C1GALT1: variants seen among roughly 807,000 people sequenced by gnomAD.
The protein encoded by C1GALT1 is glycoprotein-N-acetylgalactosamine 3-beta-galactosyltransferase 1.
C1GALT1 carries 11 observed loss-of-function variants against 31.0 expected under a neutral mutation model. The ratio of observed to expected loss-of-function variants is 0.36; its 90% CI spans 0.22 to 0.59. The LOEUF is 0.59. Ranked by LOEUF, C1GALT1 falls within the 20% of genes least tolerant of loss-of-function variation. C1GALT1 has a pLI of 0.79. For missense variants in C1GALT1, 424 were observed against 425.2 expected (o/e 1.00, Z 0.03); for synonymous variants, 175 against 143.6 (o/e 1.22, Z -1.56).
At chr7:7,202,881 T>C (rs1471808955) in intron 1 of C1GALT1, among the ~76,000 whole-genome samples, 1 of 152,172 alleles carries the variant, frequency 6.6e-6, no homozygotes, top group African/African-American at 2.4e-5. Flanking sequence ...TAATTATTTA[T>C]GTATTCTTTA....
Position 7,234,313 on chromosome 7 carries a change from T to C in C1GALT1, c.-7T>C. On this transcript the variant is annotated 5_prime_UTR_variant, in exon 2 of 4. Coordinates refer to ENST00000436587, the MANE Select transcript of C1GALT1 (RefSeq NM_020156.5). ...TTTTTGTTCTTACAGAAATACACTT[T>C]CGGGAAATGGCCTCTAAATCCTGGC... The C allele has an allele frequency of 6.2e-7, 1 of 1,612,124 alleles. No homozygotes were observed.
chr7:7,187,299 G>C (rs936983668), intron 1 of C1GALT1, among the ~76,000 whole-genome samples: 5 of 151,838 alleles, frequency 3.3e-5, no homozygotes, highest in Non-Finnish European at 7.4e-5. Flanking sequence ...GCCCAGGCTG[G>C]AGTGCAGTGG....
At chr7:7,185,177 AAATT>A (rs1395776097) in intron 1 of C1GALT1, among the ~76,000 whole-genome samples, 4 of 152,236 alleles carry the variant, frequency 2.6e-5, no homozygotes, top group African/African-American at 9.6e-5. Flanking sequence ...AAGTCTAAAT[AAATT>A]ATCTAGCACC....
intron 1 of C1GALT1, among the ~76,000 whole-genome samples, chr7:7,227,243 G>T (rs1782807258): frequency 6.6e-6 from 1 of 152,100 alleles, no homozygotes; most frequent in Admixed American, 6.5e-5. Flanking sequence ...TAGGGTTATG[G>T]TTTGAATATT....
chr7:7,243,778 A>C lies in C1GALT1; in HGVS notation c.*51A>C. 3.0e-6 allele frequency: 4 copies of C among 1,321,010 alleles called. No individual in the cohort carries two copies. The highest frequency in any genetic ancestry group is 3.1e-6 in the Non-Finnish European group (3 of 967,700). 81.8% of individuals were successfully genotyped at this position (1,321,010 alleles called of 1,614,324 possible). ...AATATGTCTAGCACTGCACTGAAAAAGGACTTCTGCATTTCTGACATAGAA... is the reference window on the plus strand; with the variant it reads ...AATATGTCTAGCACTGCACTGAAAACGGACTTCTGCATTTCTGACATAGAA... On this transcript the variant is annotated 3_prime_UTR_variant, in exon 4 of 4. Coordinates refer to ENST00000436587, the MANE Select transcript of C1GALT1 (RefSeq NM_020156.5).
chr7:7,217,783 A>G (rs1055130609), intron 1 of C1GALT1, among the ~76,000 whole-genome samples: 2 of 152,110 alleles, frequency 1.3e-5, no homozygotes, highest in African/African-American at 4.8e-5. Flanking sequence ...TGATACTCCC[A>G]CCTTGGCCTC....
At chr7:7,158,487 T>C (rs1339888853) in intron 2 of C1GALT1, among the ~76,000 whole-genome samples, 1 of 152,086 alleles carries the variant, frequency 6.6e-6, no homozygotes, top group East Asian at 1.9e-4. Context: ...TTAATTTCCA[T>C]ATCTGAGTAT....
chr7:7,203,285 T>C (rs1399515623), intron 1 of C1GALT1, among the ~76,000 whole-genome samples: 2 of 152,140 alleles, frequency 1.3e-5, no homozygotes, highest in African/African-American at 4.8e-5. Context: ...TTGTTGTAGA[T>C]CTTAGAGGAA....
At chr7:7,209,854 GCCGTTTTATAA>G (rs1781912584) in intron 1 of C1GALT1, among the ~76,000 whole-genome samples, 1 of 152,146 alleles carries the variant, frequency 6.6e-6, no homozygotes, top group Non-Finnish European at 1.5e-5. Flanking sequence ...ATGGGGTGGG[GCCGTTTTATAA>G]AACGGCCTAT....
At position 7,243,645 on chromosome 7, in the gene C1GALT1, C is replaced by G. The variant is rs1199084845; in HGVS notation, c.1010C>G (p.Pro337Arg). 2.5e-6 allele frequency: 4 copies of G among 1,611,474 alleles called. No homozygotes were observed. The highest frequency in any genetic ancestry group is 3.4e-6 in the Non-Finnish European group (4 of 1,179,102). Residue 337 changes from proline (P) to arginine (R), a missense_variant, in exon 4 of 4, where the codon CCT (proline) becomes CGT (arginine). Physicochemically the swap from Pro to Arg is moderately radical, Grantham distance 103. Coordinates refer to ENST00000436587, the MANE Select transcript of C1GALT1 (RefSeq NM_020156.5). ...RPYGYLYRYQ[P>R]TLPERILKEI... ...TATGGTTATTTATACAGATATCAACCTACCTTACCTGAACGTATACTAAAG... is the reference window on the plus strand; with the variant it reads ...TATGGTTATTTATACAGATATCAACGTACCTTACCTGAACGTATACTAAAG...
rs1783243740 is a variant in C1GALT1, at chr7:7,234,482, G to A, written c.163G>A (p.Gly55Arg). 3 of 1,613,816 alleles carry A rather than the reference G, an allele frequency of 1.9e-6. No individual in the cohort carries two copies. Among genetic ancestry groups the A allele is most frequent in the South Asian group, 1.1e-5 (1 of 91,064 alleles). ...TCATGCAAGGCATTCAGATGATAAT[G>A]GACAGAATCATCTAGAAGGACAAAT... ...DPHARHSDDN[G>R]QNHLEGQMNF... is the part of the protein sequence containing the mutation. The change falls in exon 2 of 4, where the codon GGA becomes AGA. Residue 55 changes from glycine (G) to arginine (R), a missense_variant. Around this residue, in one of 3 missense-constraint regions of C1GALT1, gnomAD observed 189 missense variants for 158.2 expected, o/e 1.19. Coordinates refer to ENST00000436587, the MANE Select transcript of C1GALT1 (RefSeq NM_020156.5).
At chr7:7,158,538 T>C (rs918133010) in intron 2 of C1GALT1, among the ~76,000 whole-genome samples, 2 of 151,594 alleles carry the variant, frequency 1.3e-5, no homozygotes, top group Non-Finnish European at 2.9e-5. Context: ...ACACTTAGTA[T>C]GTTTTTTCAT....
Position 7,244,470 on chromosome 7 carries a change from T to C in C1GALT1, c.*743T>C, listed in dbSNP as rs1037238489. The C allele has an allele frequency of 3.3e-5, 5 of 152,168 alleles. No homozygotes were observed. The highest frequency in any genetic ancestry group is 1.2e-4 in the African/African-American group (5 of 41,448). The allele number at this position is 152,168 out of a possible 1,614,324, so 9.4% of individuals were successfully genotyped here. ...GAATACCATTCTCCACTATTAACAT[T>C]AATTTACTCAAACCGTTCATAGCAT... On this transcript the variant is annotated 3_prime_UTR_variant, in exon 4 of 4. Coordinates refer to ENST00000436587, the MANE Select transcript of C1GALT1 (RefSeq NM_020156.5).
rs777507166 is a variant in C1GALT1 at position 7,243,722 on chromosome 7, C to A, written c.1087C>A (p.Pro363Thr). Residue 363 changes from proline to threonine, a missense_variant, in exon 4 of 4, where the codon CCT becomes ACT. By Grantham distance (38) the Pro-to-Thr change is conservative (BLOSUM62 -1). Around this residue, in one of 3 missense-constraint regions of C1GALT1, gnomAD observed 191 missense variants for 188.8 expected, o/e 1.01. Coordinates refer to ENST00000436587, the MANE Select transcript of C1GALT1 (RefSeq NM_020156.5). Reference protein sequence around the residue: ...NEDTKVKLGNP With the variant: ...NEDTKVKLGNT Reference sequence around the variant, plus strand: ...AGATACAAAAGTGAAGTTAGGAAATCCTTGAAAGAAAATCATGAATGAACA... The same window carrying A: ...AGATACAAAAGTGAAGTTAGGAAATACTTGAAAGAAAATCATGAATGAACA... The A allele has an allele frequency of 4.4e-6, 7 of 1,594,208 alleles. No homozygotes were observed. Among genetic ancestry groups the A allele is most frequent in the Non-Finnish European group, 4.3e-6 (5 of 1,171,056 alleles).
chr7:7,244,564 AAATTT>A lies in C1GALT1; in HGVS notation c.*841_*845del, dbSNP rs1783769402. ...TTGTTCATTATGGGTAACTAATAAT[AAATTT>A]AATGCTGTTTCAGGATGCTTTTCTT... On this transcript the variant is annotated 3_prime_UTR_variant, in exon 4 of 4. Coordinates refer to ENST00000436587, the MANE Select transcript of C1GALT1 (RefSeq NM_020156.5). 1 of 152,148 alleles carries A rather than the reference AAATTT, an allele frequency of 6.6e-6. No individual in the cohort carries two copies. The highest frequency in any genetic ancestry group is 1.5e-5 in the Non-Finnish European group (1 of 68,014). 9.4% of individuals were successfully genotyped at this position (152,148 alleles called of 1,614,324 possible). A position where few individuals can be genotyped will look rare whatever the true frequency, so the allele number is the denominator to read the frequency against.
At chr7:7,240,904 A>G (rs1195847540) in intron 3 of C1GALT1, among the ~76,000 whole-genome samples, 3 of 152,218 alleles carry the variant, frequency 2.0e-5, no homozygotes, top group Middle Eastern at 3.4e-3. Flanking sequence ...ATTACTGAAA[A>G]TACAGAAAAT....
intron 1 of C1GALT1, among the ~76,000 whole-genome samples, chr7:7,228,973 T>C (rs1341371335): frequency 1.4e-5 from 2 of 147,304 alleles, no homozygotes; most frequent in African/African-American, 2.4e-5. Context: ...AGCATGTCCT[T>C]GGAATATGAT....
intron 1 of C1GALT1, among the ~76,000 whole-genome samples, chr7:7,193,441 C>T (rs1422769099): frequency 6.6e-6 from 1 of 152,042 alleles, no homozygotes; most frequent in Admixed American, 6.6e-5. Flanking sequence ...TTTGTGTTTG[C>T]TTTGTCAAAG....
chr7:7,174,468 G>C (rs904630732), intron 2 of C1GALT1, among the ~76,000 whole-genome samples: 1 of 152,144 alleles, frequency 6.6e-6, no homozygotes, highest in African/African-American at 2.4e-5. Context: ...ACTGAACCAG[G>C]TGTGGTGGCC....
Sources: gnomAD v4.1 joint callset for allele counts (sites outside exome capture counted in the v4.1 genomes callset) on GRCh38, gnomAD v4.1.1 for gene constraint, gnomAD v4.1.1 regional missense constraint, MANE v1.5 for transcripts, NCBI Gene and HGNC (gene_info 2026-07-23, HGNC 2026-07-21) for gene names.